TTC21A: variants seen among roughly 807,000 people sequenced by gnomAD.
The protein encoded by TTC21A is tetratricopeptide repeat protein 21A.
TTC21A carries 128 observed loss-of-function variants against 156.4 expected under a neutral mutation model. That is an observed-to-expected ratio of 0.82 (90% confidence interval 0.71 to 0.95). TTC21A has a LOEUF of 0.95. TTC21A is among the 40% of genes least tolerant of loss of function. The pLI, the probability that TTC21A is intolerant of heterozygous loss-of-function variation, is 0.00. For missense variants in TTC21A, 1,435 were observed against 1,602.3 expected (o/e 0.90, Z 1.78); for synonymous variants, 587 against 617.1 (o/e 0.95, Z 0.72).
chr3:39,135,451 C>T (rs2039042185), intron 22 of TTC21A, among the ~76,000 whole-genome samples: 1 of 152,252 alleles, frequency 6.6e-6, no homozygotes, highest in African/African-American at 2.4e-5. Flanking sequence ...ACACAGTCCC[C>T]TTTTGAGGTC....
chr3:39,120,299 T>C (rs1356771281), intron 8 of TTC21A, among the ~76,000 whole-genome samples: 1 of 152,178 alleles, frequency 6.6e-6, no homozygotes, highest in Non-Finnish European at 1.5e-5. Context: ...CTGTGCCTTA[T>C]TTGGGGAAAG....
Position 39,137,048 on chromosome 3 carries a change from G to C in TTC21A, c.3245G>C (p.Gly1082Ala), listed in dbSNP as rs757325960. 2 of 1,612,274 alleles carry C rather than the reference G, an allele frequency of 1.2e-6. No individual in the cohort carries two copies. Among genetic ancestry groups the C allele is most frequent in the Non-Finnish European group, 1.7e-6 (2 of 1,179,466 alleles). The change falls in exon 24 of 29, where the codon GGA becomes GCA. Residue 1082 changes from glycine to alanine, a missense_variant. Coordinates refer to ENST00000683103, the MANE Select transcript of TTC21A (RefSeq NM_001366900.1). The stretch of plus-strand genomic sequence containing the variant: ...GGCGGAGAGGCTTTTGAGAACCAGG[G>C]AGCTGAGAGCAAGTAAGGGCCCATG... Reference protein sequence around the residue: ...VVGGEAFENQGAESNYMEKKE... With the variant: ...VVGGEAFENQAAESNYMEKKE...
In TTC21A at chr3:39,133,127, C is replaced by A; in HGVS notation, c.2638C>A (p.Leu880Met). The A allele has an allele frequency of 6.2e-7, 1 of 1,614,260 alleles. No individual in the cohort carries two copies. Among genetic ancestry groups the A allele is most frequent in the Admixed American group, 1.7e-5 (1 of 60,034 alleles). ...AGAAATGATTCCCTCCCAGAAGCAA[C>A]TGGCAGCCTCTATCTGCATCCAATT... ...QPEMIPSQKQ[L>M]AASICIQFAE... is the part of the protein sequence containing the mutation. Residue 880 changes from leucine (L) to methionine (M), a missense_variant, in exon 20 of 29, where the codon CTG (leucine) becomes ATG (methionine). Coordinates refer to ENST00000683103, the MANE Select transcript of TTC21A (RefSeq NM_001366900.1).
chr3:39,115,848 A>G (rs1265099297), intron 6 of TTC21A, among the ~76,000 whole-genome samples: 1 of 152,120 alleles, frequency 6.6e-6, no homozygotes, highest in Non-Finnish European at 1.5e-5. Flanking sequence ...AAAAAAAAGC[A>G]TATAATCAAA....
At chr3:39,125,761 G>A (rs1028220089) in intron 11 of TTC21A, among the ~76,000 whole-genome samples, 1 of 152,234 alleles carries the variant, frequency 6.6e-6, no homozygotes, top group Admixed American at 6.5e-5. Flanking sequence ...CTAAAACCCT[G>A]CATCTCTAAC....
chr3:39,129,339 C>A, intron 15 of TTC21A, 29 bp downstream of exon 15: 1 of 1,517,476 alleles, frequency 6.6e-7, no homozygotes, highest in Non-Finnish European at 9.2e-7. Flanking sequence ...ACAATGACAG[C>A]TTCTTCTCCA....
intron 6 of TTC21A, among the ~76,000 whole-genome samples, chr3:39,116,496 G>GA (rs2037302489): frequency 1.3e-5 from 2 of 151,458 alleles, no homozygotes; most frequent in African/African-American, 2.4e-5. Context: ...TTTTTTGGGG[G>GA]GGAATGTCTT....
chr3:39,128,205 T>C, intron 12 of TTC21A, 126 bp from the exon 13 acceptor site: 1 of 1,119,734 alleles, frequency 8.9e-7, no homozygotes, highest in Non-Finnish European at 1.3e-6. Flanking sequence ...AGAACAAAAC[T>C]GGCTAAAATA....
rs1237380015 is a variant in TTC21A, at chr3:39,126,501, CACACACACACACACA to C, written c.1522+112_1522+126del. The C allele has an allele frequency of 1.0e-5, 10 of 986,300 alleles. No individual in the cohort carries two copies. The African/African-American group carries it at 1.6e-4, about 16-fold the overall frequency. The allele number at this position is 986,300 out of a possible 1,614,324, so 61.1% of individuals were successfully genotyped here. Reference sequence around the variant, plus strand: ...ACACACACACACACACACACACACACACACACACACACACACACACTCTCCTTGCCTGGGGTACTA... The same window carrying C: ...ACACACACACACACACACACACACACCACACTCTCCTTGCCTGGGGTACTA... On this transcript the variant is annotated intron_variant, in intron 12 of 28. Transcript: ENST00000683103.
chr3:39,135,336 C>T (rs1023280037), intron 22 of TTC21A, among the ~76,000 whole-genome samples, 162 bp downstream of exon 22: 2 of 152,204 alleles, frequency 1.3e-5, no homozygotes, highest in Non-Finnish European at 2.9e-5. Context: ...CCCAGTGGAA[C>T]GTGCCGGCCC....
At chr3:39,112,617 G>A (rs1436937639) in intron 5 of TTC21A, 37 bp downstream of exon 5, 21 of 1,609,582 alleles carry the variant, frequency 1.3e-5, no homozygotes, top group Non-Finnish European at 1.8e-5. Flanking sequence ...AAGTATTCCT[G>A]GCCAGGCCAC....
chr3:39,130,225 C>A lies in TTC21A; in HGVS notation c.2209-23C>A. On this transcript the variant is annotated intron_variant, in intron 16 of 28. Transcript: ENST00000683103. The surrounding 1 kb of genome is among the most constrained non-coding windows in gnomAD (Gnocchi z 4.5). ...TCTCCAGTGGGAGAGAAGAGGAAGACCCAAAGACACTTTCCCCACCAGCCC... is the reference window on the plus strand; with the variant it reads ...TCTCCAGTGGGAGAGAAGAGGAAGAACCAAAGACACTTTCCCCACCAGCCC... 6.2e-7 allele frequency: 1 copy of A among 1,611,862 alleles called. No individual in the cohort carries two copies. Among genetic ancestry groups the A allele is most frequent in the Non-Finnish European group, 8.5e-7 (1 of 1,178,606 alleles).
intron 4 of TTC21A, 73 bp downstream of exon 4, chr3:39,111,090 T>G: frequency 6.7e-7 from 1 of 1,483,636 alleles, no homozygotes; most frequent in Non-Finnish European, 9.0e-7. Context: ...GTGGCCCTCA[T>G]TCCCACAAAG....
At chr3:39,129,680 G>A (rs1348528572) in intron 15 of TTC21A, among the ~76,000 whole-genome samples, 1 of 152,222 alleles carries the variant, frequency 6.6e-6, no homozygotes, top group Non-Finnish European at 1.5e-5. Flanking sequence ...TTCTGGCAGA[G>A]CTGCATCTAA....
chr3:39,112,054 C>T (rs903793566), intron 4 of TTC21A, among the ~76,000 whole-genome samples: 1 of 152,186 alleles, frequency 6.6e-6, no homozygotes, highest in African/African-American at 2.4e-5. Context: ...GTGGAGACAT[C>T]AAGAGTGGCC....
Position 39,138,574 on chromosome 3 carries a change from A to T in TTC21A, c.3815A>T (p.Asn1272Ile), listed in dbSNP as rs765424139. 6.8e-6 allele frequency: 11 copies of T among 1,614,074 alleles called. No homozygotes were observed. The highest frequency in any genetic ancestry group is 4.5e-5 in the East Asian group (2 of 44,890). Reference sequence around the variant, plus strand: ...CCGGTAGGCTTCAAACTTGCTTTCAACTACCTGAAGGACAAGAAATTTGTG... The same window carrying T: ...CCGGTAGGCTTCAAACTTGCTTTCATCTACCTGAAGGACAAGAAATTTGTG... Reference protein sequence around the residue: ...NPAIGFKLAFNYLKDKKFVEA... With the variant: ...NPAIGFKLAFIYLKDKKFVEA... Residue 1272 changes from asparagine to isoleucine, a missense_variant, in exon 28 of 29, where the codon AAC becomes ATC. Physicochemically the swap from Asn to Ile is moderately radical, Grantham distance 149. Coordinates refer to ENST00000683103, the MANE Select transcript of TTC21A (RefSeq NM_001366900.1).
At chr3:39,111,565 A>T (rs930047637) in intron 4 of TTC21A, among the ~76,000 whole-genome samples, 1 of 152,166 alleles carries the variant, frequency 6.6e-6, no homozygotes, top group African/African-American at 2.4e-5. Context: ...CTAATATGGA[A>T]TTTGAAGCCT....
intron 22 of TTC21A, 36 bp from the exon 23 acceptor site, chr3:39,136,321 G>A (rs761895617): frequency 6.3e-7 from 1 of 1,592,956 alleles, no homozygotes; most frequent in Non-Finnish European, 8.6e-7. Context: ...CAGCTACTGG[G>A]CATTTCAGCC....
At position 39,110,883 on chromosome 3, in the gene TTC21A, C is replaced by A. The variant is rs35070488; in HGVS notation, c.301C>A (p.Leu101Met). 6.2e-7 allele frequency: 1 copy of A among 1,613,908 alleles called. No individual in the cohort carries two copies. Among genetic ancestry groups the A allele is most frequent in the Non-Finnish European group, 8.5e-7 (1 of 1,180,036 alleles). Residue 101 changes from leucine to methionine, a missense_variant, in exon 4 of 29, where the codon CTG (leucine) becomes ATG (methionine). Coordinates refer to ENST00000683103, the MANE Select transcript of TTC21A (RefSeq NM_001366900.1). ...AGCAATTCAGGAGCTTGAGTACAGC[C>A]TGAAGGAAATACGCAAGACAGTCAG... ...REAIQELEYSLKEIRKTVSGT... is the reference protein window; with the variant it reads ...REAIQELEYSMKEIRKTVSGT...
Sources: gnomAD v4.1 joint callset for allele counts (sites outside exome capture counted in the v4.1 genomes callset) on GRCh38, gnomAD v4.1.1 for gene constraint, Gnocchi (gnomAD v3.1) non-coding constraint, MANE v1.5 for transcripts, NCBI Gene and HGNC (gene_info 2026-07-23, HGNC 2026-07-21) for gene names.